The following MED12L variants were observed in gnomAD, a reference collection of about 807,000 sequenced individuals.
MED12L encodes the protein mediator complex subunit 12L, also known as mediator of RNA polymerase II transcription subunit 12-like protein.
In MED12L, 60 loss-of-function variants were observed where a neutral mutation model predicts 281.3. That is an observed-to-expected ratio of 0.21 (90% CI 0.17 to 0.26). The LOEUF is 0.26. Among genes scored for constraint, MED12L ranks in the 10% least tolerant of loss-of-function variants. The pLI, the probability that MED12L is intolerant of heterozygous loss-of-function variation, is 1.00. For synonymous variants in MED12L, 974 were observed against 987.2 expected, an observed-to-expected ratio of 0.99 and a Z score of 0.25; for missense variants, 2,146 against 2,680.9, an observed-to-expected ratio of 0.80 and a Z score of 4.41.
Position 151,435,051 on chromosome 3 carries a change from T to G in MED12L, c.*2247T>G, listed in dbSNP as rs989271752. On this transcript the variant is annotated 3_prime_UTR_variant, in exon 45 of 45. Coordinates refer to ENST00000687756, the MANE Select transcript of MED12L (RefSeq NM_001393769.1). ...ATTTTCTCCCTGTTAATTCTGTATC[T>G]TGAGAGGTTTCTTTTTTTTTTTTTT... 1 of 147,654 alleles carries G rather than the reference T, an allele frequency of 6.8e-6. No homozygotes were observed. The highest frequency in any genetic ancestry group is 1.5e-5 in the Non-Finnish European group (1 of 67,512). The allele number at this position is 147,654 out of a possible 1,614,324, so 9.1% of individuals were successfully genotyped here.
chr3:151,378,256 T>C, intron 31 of MED12L, 83 bp downstream of exon 31: 2 of 1,333,796 alleles, frequency 1.5e-6, no homozygotes, highest in South Asian at 1.7e-5. Context: ...GTGTGGTCAC[T>C]GTACCCACAG....
Position 151,378,703 on chromosome 3 carries a change from C to T in MED12L, c.4478+530C>T, listed in dbSNP as rs182799713. 2.7e-4 allele frequency among the ~76,000 whole-genome samples: 41 copies of T among 151,794 alleles called. No homozygotes were observed. The East Asian group carries it at 6.8e-3, about 25-fold the overall frequency. The stretch of plus-strand genomic sequence containing the variant: ...GTTTCAAGTAATTATATTTGAAAAC[C>T]GTGTTACTGAGAAAGAAAGAAACCT... On this transcript the variant is annotated intron_variant, in intron 31 of 44. Transcript: ENST00000687756.
At chr3:151,160,667 G>A (rs1441905895) in intron 8 of MED12L, among the ~76,000 whole-genome samples, 2 of 152,250 alleles carry the variant, frequency 1.3e-5, no homozygotes, top group African/African-American at 2.4e-5. Flanking sequence ...AATGTGTTCT[G>A]CTGTATACTA....
chr3:151,118,360 T>G (rs1259813226), intron 3 of MED12L, among the ~76,000 whole-genome samples: 1 of 152,210 alleles, frequency 6.6e-6, no homozygotes, highest in Non-Finnish European at 1.5e-5. Context: ...TTTGTTAAAC[T>G]ATCAACTGAA....
chr3:151,108,491 G>T lies in MED12L; in HGVS notation c.100-7847G>T, dbSNP rs139957756. Among the ~76,000 whole-genome samples the T allele has an allele frequency of 1.2e-4, 19 of 152,282 alleles. No homozygotes were observed. The South Asian group carries it at 3.7e-3, about 30-fold the overall frequency. On this transcript the variant is annotated intron_variant, in intron 2 of 44. Transcript: ENST00000687756. The stretch of plus-strand genomic sequence containing the variant: ...CTGGGGTTTACAGACATCCTTGGGG[G>T]TCTGAGAGAATGTTCTTTTGGGGGA...
At chr3:151,380,376 C>G in intron 32 of MED12L, 152 bp downstream of exon 32, 1 of 519,136 alleles carries the variant, frequency 1.9e-6, no homozygotes, top group Non-Finnish European at 3.3e-6. Context: ...GCTGGTGGAT[C>G]ACCTGAGGCC....
intron 16 of MED12L, chr3:151,300,111 T>A: frequency 6.3e-7 from 1 of 1,599,672 alleles, no homozygotes. Flanking sequence ...TCTTCAGTTG[T>A]GATGCACTGT....
At chr3:151,333,924 G>C (rs1476328577) in intron 16 of MED12L, among the ~76,000 whole-genome samples, 1 of 151,590 alleles carries the variant, frequency 6.6e-6, no homozygotes, top group Non-Finnish European at 1.5e-5. Context: ...CTAAAAATAA[G>C]AAAATTAGCC....
At chr3:151,305,902 T>A (rs1236677065) in intron 16 of MED12L, among the ~76,000 whole-genome samples, 1 of 152,080 alleles carries the variant, frequency 6.6e-6, no homozygotes, top group African/African-American at 2.4e-5. Flanking sequence ...TGGAACCCAT[T>A]TTGAAAGATG....
At chr3:151,373,902 T>A (rs1463542281) in intron 27 of MED12L, among the ~76,000 whole-genome samples, 1 of 152,200 alleles carries the variant, frequency 6.6e-6, no homozygotes, top group African/African-American at 2.4e-5. Flanking sequence ...GGGTATTATG[T>A]ATGCTCATGG....
rs374476236 is a variant in MED12L at position 151,427,131 on chromosome 3, T to C, written c.6409-3168T>C. On this transcript the variant is annotated intron_variant, in intron 43 of 44. Transcript: ENST00000687756. ...ACTGTGCCTGGCCTGGTTTACATTT[T>C]TGAAAATTTCTTCAGTGTCTGGTTT... 2.6e-3 allele frequency among the ~76,000 whole-genome samples: 401 copies of C among 152,350 alleles called. 13 individuals carry two copies. The South Asian group carries it at 0.081, about 31-fold the overall frequency.
At position 151,434,140 on chromosome 3, in the gene MED12L, CTTT is replaced by C. The variant is rs1719830870; in HGVS notation, c.*1338_*1340del. On this transcript the variant is annotated 3_prime_UTR_variant, in exon 45 of 45. Transcript: ENST00000687756. ...CCCATGTTCTCTGTTATTTCATTTTCTTTTGCCATATGATTTTACATATAATAT... is the reference window on the plus strand; with the variant it reads ...CCCATGTTCTCTGTTATTTCATTTTCTGCCATATGATTTTACATATAATAT... 6.6e-6 allele frequency: 1 copy of C among 152,122 alleles called. No individual in the cohort carries two copies. Among genetic ancestry groups the C allele is most frequent in the South Asian group, 2.1e-4 (1 of 4,826 alleles). 9.4% of individuals were successfully genotyped at this position (152,122 alleles called of 1,614,324 possible). A position where few individuals can be genotyped will look rare whatever the true frequency, so the allele number is the denominator to read the frequency against.
At chr3:151,201,219 A>ACTCT (rs1725525496) in intron 16 of MED12L, among the ~76,000 whole-genome samples, 1 of 148,718 alleles carries the variant, frequency 6.7e-6, no homozygotes, top group Admixed American at 6.6e-5. Context: ...AACCACGTGC[A>ACTCT]CACACTCTCT....
At chr3:151,155,973 T>C (rs1212341205) in intron 5 of MED12L, among the ~76,000 whole-genome samples, 188 bp from the exon 6 acceptor site, 1 of 152,196 alleles carries the variant, frequency 6.6e-6, no homozygotes, top group Non-Finnish European at 1.5e-5. Flanking sequence ...CACACTAGCA[T>C]GCGTTCTCTA....
intron 16 of MED12L, among the ~76,000 whole-genome samples, chr3:151,311,965 G>A (rs770145966): frequency 3.9e-5 from 6 of 152,178 alleles, no homozygotes; most frequent in Admixed American, 6.5e-5. Context: ...CGGAGGTTGC[G>A]GAGGTTGCAG....
rs189970441 is a variant in MED12L, at chr3:151,237,144, C to T, written c.2250+43478C>T. On this transcript the variant is annotated intron_variant, in intron 16 of 44. Transcript: ENST00000687756. ...GCAACCTCCGTTTCCCAGGTTCAAG[C>T]GATTCTGCCTCAGCCTCCATAGTAG... 8.7e-5 allele frequency among the ~76,000 whole-genome samples: 13 copies of T among 149,442 alleles called. No homozygotes were observed. The East Asian group carries it at 1.4e-3, about 16-fold the overall frequency.
chr3:151,291,827 A>T (rs1744292026), intron 16 of MED12L, among the ~76,000 whole-genome samples: 1 of 152,194 alleles, frequency 6.6e-6, no homozygotes, highest in African/African-American at 2.4e-5. Flanking sequence ...ATGAAATATA[A>T]GCAGTTTGAT....
rs914954121 is a variant in MED12L, at chr3:151,435,629, T to TAAGTA, written c.*2826_*2830dup. 35 of 115,736 alleles carry TAAGTA rather than the reference T, an allele frequency of 3.0e-4. No homozygotes were observed. Among genetic ancestry groups the TAAGTA allele is most frequent in the African/African-American group, 1.2e-3 (34 of 28,638 alleles). The allele number at this position is 115,736 out of a possible 1,614,324, so 7.2% of individuals were successfully genotyped here. ...TTATAAAGCTCCTATAATTCTTAAG[T>TAAGTA]AAGTACTAGGTGAATGTTTGAATAG... On this transcript the variant is annotated 3_prime_UTR_variant, in exon 45 of 45. Transcript: ENST00000687756.
chr3:151,206,905 C>A (rs3960212), intron 16 of MED12L, among the ~76,000 whole-genome samples: 8,217 of 151,998 alleles, frequency 0.054, 704 homozygotes, highest in African/African-American at 0.18. Context: ...CGGCCTCCCA[C>A]AGTGCTGGGA....
Sources: allele counts gnomAD v4.1 joint callset (sites outside exome capture counted in the v4.1 genomes callset), GRCh38; gene constraint gnomAD v4.1.1; transcripts MANE v1.5; gene names NCBI Gene and HGNC (gene_info 2026-07-23, HGNC 2026-07-21).